The following ZNF226 variants were observed in gnomAD, a reference collection of about 807,000 sequenced individuals.
ZNF226 encodes the protein zinc finger protein 226, also known as Kruppel-associated box protein.
ZNF226 carries 6 observed loss-of-function variants against 11.4 expected under a neutral mutation model. The observed-to-expected ratio is 0.53, with a 90% CI of 0.29 to 1.04. ZNF226 has a LOEUF of 1.04. Among genes scored for constraint, ZNF226 ranks in the 50% least tolerant of loss-of-function variants. The pLI is 0.08. For synonymous variants in ZNF226, 350 were observed against 322.8 expected, an observed-to-expected ratio of 1.08 and a Z score of -0.90; for missense variants, 1,058 against 956.5, an observed-to-expected ratio of 1.11 and a Z score of -1.40.
At chr19:44,171,157 T>G (rs1243331305) in intron 3 of ZNF226, among the ~76,000 whole-genome samples, 1 of 152,210 alleles carries the variant, frequency 6.6e-6, no homozygotes, top group Non-Finnish European at 1.5e-5. Context: ...TTCTTGCATT[T>G]AACTTTTTCT....
At chr19:44,173,055 C>T in intron 5 of ZNF226, 103 bp downstream of exon 5, 1 of 1,074,818 alleles carries the variant, frequency 9.3e-7, no homozygotes, top group East Asian at 2.6e-5. Context: ...AACTGTCTTT[C>T]CTGGATTATT....
the ZNF226 span, among the ~76,000 whole-genome samples, chr19:44,184,405 C>A: frequency 2.0e-5 from 3 of 151,946 alleles, no homozygotes; most frequent in East Asian, 1.9e-4. Context: ...GATGGTGAAA[C>A]CCTGTCTCTA....
the ZNF226 span, among the ~76,000 whole-genome samples, chr19:44,184,579 TA>T: frequency 5.8e-3 from 827 of 143,808 alleles, 5 homozygotes; most frequent in Middle Eastern, 0.014. Context: ...GAGACTCCAT[TA>T]AAAAAAAAAA....
chr19:44,172,084 G>A lies in ZNF226; in HGVS notation c.16-4G>A, dbSNP rs761819588. ...AAGATTGAGGTCATTTGTTTTTGTC[G>A]TAGGAAGCAGTGACCTTCAAGGACG... On this transcript the variant is annotated splice_region_variant and splice_polypyrimidine_tract_variant and intron_variant, in intron 3 of 5. Transcript: ENST00000337433. 12 of 1,609,750 alleles carry A rather than the reference G, an allele frequency of 7.5e-6. No individual in the cohort carries two copies. Among genetic ancestry groups the A allele is most frequent in the Middle Eastern group, 3.3e-4 (2 of 6,038 alleles).
At chr19:44,183,291 G>A (rs1365787738), downstream of ZNF226, among the ~76,000 whole-genome samples, 4 of 152,136 alleles carry the variant, frequency 2.6e-5, no homozygotes, top group African/African-American at 2.4e-5. Context: ...GCTTAGGCCC[G>A]TTTGTGGTGG....
chr19:44,192,939 TTAAC>T, the ZNF226 span, among the ~76,000 whole-genome samples: 1 of 152,166 alleles, frequency 6.6e-6, no homozygotes, highest in African/African-American at 2.4e-5. Context: ...TAATTCCCTT[TTAAC>T]TATAGGCAAC....
At chr19:44,187,954 A>G in the ZNF226 span, among the ~76,000 whole-genome samples, 1 of 151,910 alleles carries the variant, frequency 6.6e-6, no homozygotes, top group Non-Finnish European at 1.5e-5. The surrounding 1 kb of genome is among the most constrained non-coding windows in gnomAD (Gnocchi z 4.0). Context: ...TTCTACTATT[A>G]ATTTGTAGTT....
At position 44,177,300 on chromosome 19, in the gene ZNF226, T is replaced by C; in HGVS notation, c.2038T>C (p.Phe680Leu). The change falls in exon 6 of 6, where the codon TTC (phenylalanine) becomes CTC (leucine). Residue 680 changes from phenylalanine to leucine, a missense_variant. By Grantham distance (22) the Phe-to-Leu change is conservative. Coordinates refer to ENST00000337433, the MANE Select transcript of ZNF226 (RefSeq NM_001032373.2). ...CAAATGTGATGAGTGTGGGAAGGGC[T>C]TCAAGTGGAGCTTGAACCTTGACAT... ...PYKCDECGKG[F>L]KWSLNLDMHQ... 6.2e-7 allele frequency: 1 copy of C among 1,614,108 alleles called. No homozygotes were observed. Among genetic ancestry groups the C allele is most frequent in the Non-Finnish European group, 8.5e-7 (1 of 1,180,018 alleles).
At chr19:44,180,217 A>T (rs1448456879), downstream of ZNF226, among the ~76,000 whole-genome samples, 1 of 152,142 alleles carries the variant, frequency 6.6e-6, no homozygotes, top group Non-Finnish European at 1.5e-5. Context: ...GTAGGGAGAG[A>T]ACAGCATGAT....
the ZNF226 span, among the ~76,000 whole-genome samples, chr19:44,193,366 A>G: frequency 1.3e-5 from 2 of 152,248 alleles, no homozygotes; most frequent in African/African-American, 4.8e-5. Context: ...TCACAAGTGT[A>G]TAAAAAAAGA....
At position 44,177,140 on chromosome 19, in the gene ZNF226, G is replaced by C; in HGVS notation, c.1878G>C (p.Gln626His). The change falls in exon 6 of 6, where the codon CAG becomes CAC. Residue 626 changes from glutamine (Q) to histidine (H), a missense_variant. Transcript: ENST00000337433. ...NCEECGKVFR[Q>H]ASNLLAHQRV... ...AGGAGTGTGGGAAGGTCTTCAGGCA[G>C]GCCTCAAATCTTTTGGCCCATCAGA... The C allele has an allele frequency of 6.2e-7, 1 of 1,614,076 alleles. No homozygotes were observed. The highest frequency in any genetic ancestry group is 8.5e-7 in the Non-Finnish European group (1 of 1,180,012).
rs779573757 is a variant in ZNF226 at position 44,176,108 on chromosome 19, T to A, written c.846T>A (p.Cys282Ter). 6.2e-7 allele frequency: 1 copy of A among 1,614,140 alleles called. No homozygotes were observed. The highest frequency in any genetic ancestry group is 8.5e-7 in the Non-Finnish European group (1 of 1,180,018). The change falls in exon 6 of 6, where the codon TGT becomes TGA. Residue 282 changes from cysteine (C) to a stop codon, truncating the protein, a stop_gained. Coordinates refer to ENST00000337433, the MANE Select transcript of ZNF226 (RefSeq NM_001032373.2). LOFTEE classifies it low-confidence loss of function (END_TRUNC). ...QLQSGEKSLT[C>*]VERGKGFCYS... Reference sequence around the variant, plus strand: ...AATCAGGAGAGAAGTCTCTTACATGTGTTGAGCGTGGAAAAGGCTTCTGTT... The same window carrying A: ...AATCAGGAGAGAAGTCTCTTACATGAGTTGAGCGTGGAAAAGGCTTCTGTT...
chr19:44,180,499 A>G (rs900130191), downstream of ZNF226, among the ~76,000 whole-genome samples: 9 of 152,162 alleles, frequency 5.9e-5, no homozygotes, highest in Admixed American at 5.9e-4. Flanking sequence ...TTGCTCTTAG[A>G]TATCAGGATA....
intron 5 of ZNF226, chr19:44,174,058 T>C (rs1284246512): frequency 6.6e-6 from 1 of 152,206 alleles, no homozygotes; most frequent in Non-Finnish European, 1.5e-5. Flanking sequence ...TAATAGGTGG[T>C]GAACAAATCA....
chr19:44,180,164 T>G (rs555573896), downstream of ZNF226, among the ~76,000 whole-genome samples: 1 of 151,588 alleles, frequency 6.6e-6, no homozygotes, highest in Non-Finnish European at 1.5e-5. Context: ...TATGTAATTT[T>G]TGAGGTAAAA....
At chr19:44,173,822 C>T (rs1344746359) in intron 5 of ZNF226, 1 of 152,000 alleles carries the variant, frequency 6.6e-6, no homozygotes, top group Non-Finnish European at 1.5e-5. Context: ...CATTTACTCT[C>T]TGTGCACTGC....
chr19:44,186,751 C>T, the ZNF226 span, among the ~76,000 whole-genome samples: 3 of 152,020 alleles, frequency 2.0e-5, no homozygotes, highest in African/African-American at 7.2e-5. Flanking sequence ...GGCATCCTTG[C>T]CTTGTTCCTG....
At position 44,175,931 on chromosome 19, in the gene ZNF226, T is replaced by G; in HGVS notation, c.669T>G (p.Ser223=). 1 of 1,612,962 alleles carries G rather than the reference T, an allele frequency of 6.2e-7. No homozygotes were observed. Among genetic ancestry groups the G allele is most frequent in the East Asian group, 2.2e-5 (1 of 44,880 alleles). ...DGHRVHKSEK[S]YRPNDYEKDN... is the part of the protein sequence containing the mutation. Reference sequence around the variant, plus strand: ...ATAGAGTACACAAAAGTGAAAAATCTTATAGACCCAATGATTATGAAAAAG... The same window carrying G: ...ATAGAGTACACAAAAGTGAAAAATCGTATAGACCCAATGATTATGAAAAAG... The change falls in exon 6 of 6, where the codon TCT becomes TCG. Residue 223 remains serine (S), a synonymous_variant. Transcript: ENST00000337433.
intron 1 of ZNF226, 100 bp from the exon 2 acceptor site, chr19:44,165,657 G>GGA (rs982821943): frequency 2.6e-5 from 4 of 152,196 alleles, no homozygotes; most frequent in African/African-American, 9.7e-5. Context: ...TTTTGAGGAA[G>GGA]GAGAGGGTTG....
Sources: gnomAD v4.1 joint callset for allele counts (sites outside exome capture counted in the v4.1 genomes callset) on GRCh38, gnomAD v4.1.1 for gene constraint, Gnocchi (gnomAD v3.1) non-coding constraint, MANE v1.5 for transcripts, NCBI Gene and HGNC (gene_info 2026-07-23, HGNC 2026-07-21) for gene names.